TTN: variants seen among roughly 807,000 people sequenced by gnomAD.
TTN encodes the protein connectin.
A neutral mutation model predicts 3,223.0 loss-of-function variants in TTN; 1,525 were observed. The observed-to-expected ratio is 0.47, with a 90% CI of 0.45 to 0.49. The LOEUF is 0.49. Among genes scored for constraint, TTN ranks in the 20% least tolerant of loss-of-function variants. TTN has a pLI of 0.00. For synonymous variants in TTN, 14,094 were observed against 15,161.0 expected (o/e 0.93, Z 5.17); for missense variants, 40,786 against 43,424.0 (o/e 0.94, Z 5.40).
At position 178,786,114 on chromosome 2, in the gene TTN, C is replaced by T. The variant is rs1316131204; in HGVS notation, c.2104G>A (p.Val702Ile). The change falls in exon 14 of 363, where the codon GTA becomes ATA. Residue 702 changes from valine (V) to isoleucine (I), a missense_variant. Val to Ile is a conservative substitution (Grantham distance 29, BLOSUM62 3). Coordinates refer to ENST00000589042, the MANE Select transcript of TTN (RefSeq NM_001267550.2). ...KVDVGKKAEAVATVVAAVDQA... is the reference protein window; with the variant it reads ...KVDVGKKAEAIATVVAAVDQA... The stretch of plus-strand genomic sequence containing the variant: ...TCTACTGCAGCAACAACTGTTGCTA[C>T]AGCTTCAGCCTTTTTTCCAACGTCC... 6.2e-7 allele frequency: 1 copy of T among 1,613,818 alleles called. No homozygotes were observed. Among genetic ancestry groups the T allele is most frequent in the Non-Finnish European group, 8.5e-7 (1 of 1,179,986 alleles).
In TTN at chr2:178,784,216, G is replaced by T. The variant is rs751640052; in HGVS notation, c.2629C>A (p.Pro877Thr). The T allele has an allele frequency of 3.7e-6, 6 of 1,614,058 alleles. No individual in the cohort carries two copies. Among genetic ancestry groups the T allele is most frequent in the Admixed American group, 1.7e-5 (1 of 60,010 alleles). Reference sequence around the variant, plus strand: ...TCAGCGAAGGGGAACTGTGGCAAGGGTGTGGGCTCTGCCCTTACTCTAGTC... The same window carrying T: ...TCAGCGAAGGGGAACTGTGGCAAGGTTGTGGGCTCTGCCCTTACTCTAGTC... ...SETRVRAEPT[P>T]LPQFPFADTP... The change falls in exon 16 of 363, where the codon CCC (proline) becomes ACC (threonine). Residue 877 changes from proline (P) to threonine (T), a missense_variant. By Grantham distance (38) the Pro-to-Thr change is conservative (BLOSUM62 -1). Transcript: ENST00000589042.
chr2:178,640,144 C>A, intron 221 of TTN, 34 bp from the exon 222 acceptor site: 1 of 1,597,008 alleles, frequency 6.3e-7, no homozygotes, highest in Non-Finnish European at 8.5e-7. Flanking sequence ...CAGATTATTA[C>A]AGGATTTTTG....
chr2:178,570,431 C>G lies in TTN; in HGVS notation c.75701G>C (p.Gly25234Ala). Residue 25234 changes from glycine (G) to alanine (A), a missense_variant, in exon 326 of 363, where the codon GGG becomes GCG. Physicochemically the swap from Gly to Ala is moderately conservative, Grantham distance 60. Transcript: ENST00000589042. ...LAWKPPLQDG[G>A]SDIINYIVER... ...CACAATATAATTTATGATGTCACTC[C>G]CACCATCCTGAAGTGGGGGTTTCCA... The G allele has an allele frequency of 6.2e-7, 1 of 1,613,124 alleles. No individual in the cohort carries two copies. The highest frequency in any genetic ancestry group is 8.5e-7 in the Non-Finnish European group (1 of 1,179,544).
chr2:178,706,261 C>T (rs1410979214), intron 102 of TTN, among the ~76,000 whole-genome samples, 193 bp downstream of exon 102: 1 of 152,180 alleles, frequency 6.6e-6, no homozygotes, highest in Non-Finnish European at 1.5e-5. Flanking sequence ...CTCCCATATG[C>T]TTCATCTCTA....
In TTN at chr2:178,718,492, A is replaced by T. The variant is rs780500830; in HGVS notation, c.24614T>A (p.Ile8205Lys). The T allele has an allele frequency of 6.2e-7, 1 of 1,613,696 alleles. No homozygotes were observed. The highest frequency in any genetic ancestry group is 8.5e-7 in the Non-Finnish European group (1 of 1,179,732). The change falls in exon 85 of 363, where the codon ATA becomes AAA. Residue 8205 changes from isoleucine to lysine, a missense_variant. Transcript: ENST00000589042. The stretch of plus-strand genomic sequence containing the variant: ...TTGTGAAATAAGATACTCGTCCTTT[A>T]TCCAGCTCACTGAGATTGGAGGTGT... ...TGTPPISVSWIKDEYLISQSE... is the reference protein window; with the variant it reads ...TGTPPISVSWKKDEYLISQSE...
Position 178,731,026 on chromosome 2 carries a change from A to C in TTN, c.17639T>G (p.Leu5880Arg). The change falls in exon 60 of 363, where the codon CTG becomes CGG. Residue 5880 changes from leucine to arginine, a missense_variant. Coordinates refer to ENST00000589042, the MANE Select transcript of TTN (RefSeq NM_001267550.2). ...TTTCTTTTCTGTAGAAATAATCTTCAGTATTGAGACTGTATCAGTGACACT... is the reference window on the plus strand; with the variant it reads ...TTTCTTTTCTGTAGAAATAATCTTCCGTATTGAGACTGTATCAGTGACACT... Reference protein sequence around the residue: ...KISVTDTVSILKIISTEKKDS... With the variant: ...KISVTDTVSIRKIISTEKKDS... 5 of 1,613,588 alleles carry C rather than the reference A, an allele frequency of 3.1e-6. No homozygotes were observed. Among genetic ancestry groups the C allele is most frequent in the Non-Finnish European group, 3.4e-6 (4 of 1,179,664 alleles).
chr2:178,729,219 A>G, intron 64 of TTN, 50 bp from the exon 65 acceptor site: 1 of 1,549,766 alleles, frequency 6.5e-7, no homozygotes, highest in Non-Finnish European at 8.7e-7. Context: ...TGTAACTCCT[A>G]CCCATAATGA....
In TTN at chr2:178,537,903, C is replaced by T. The variant is rs548615687; in HGVS notation, c.99304G>A (p.Gly33102Arg). The change falls in exon 355 of 363, where the codon GGA (glycine) becomes AGA (arginine). Residue 33102 changes from glycine to arginine, a missense_variant. Gly to Arg is a moderately radical substitution (Grantham distance 125). Transcript: ENST00000589042. ...KTKLTSGEAPGIRKEMKDVTT... is the reference protein window; with the variant it reads ...KTKLTSGEAPRIRKEMKDVTT... ...ACATCCTTCATTTCTTTGCGTATTC[C>T]TGGGGCCTCTCCAGCTGAACAATAT... 4 of 1,609,346 alleles carry T rather than the reference C, an allele frequency of 2.5e-6. No homozygotes were observed. Among genetic ancestry groups the T allele is most frequent in the African/African-American group, 1.3e-5 (1 of 74,768 alleles).
chr2:178,648,692 G>T lies in TTN; in HGVS notation c.40057+556C>A, dbSNP rs181740561. ...CCCCAAGTGTTGGGATGACAGGCGT[G>T]AGCCACCACATCCGGCCTTATTTCC... On this transcript the variant is annotated intron_variant, in intron 213 of 362. Coordinates refer to ENST00000589042, the MANE Select transcript of TTN (RefSeq NM_001267550.2). Among the ~76,000 whole-genome samples the T allele has an allele frequency of 2.0e-5, 3 of 152,240 alleles. No homozygotes were observed. The East Asian group carries it at 5.8e-4, about 29-fold the overall frequency.
rs764537619 is a variant in TTN at position 178,723,998 on chromosome 2, T to C, written c.21261A>G (p.Gly7087=). The C allele has an allele frequency of 6.2e-7, 1 of 1,613,582 alleles. No individual in the cohort carries two copies. The highest frequency in any genetic ancestry group is 8.5e-7 in the Non-Finnish European group (1 of 1,179,632). ...WFHEKTKIVS[G]AKYQTTFSDN... is the part of the protein sequence containing the mutation. ...CTGAAAATGTGGTTTGGTACTTTGC[T>C]CCACTGACAATCTTGGTTTTCTCAT... The change falls in exon 73 of 363, where the codon GGA becomes GGG. Residue 7087 remains glycine (G), a synonymous_variant. Coordinates refer to ENST00000589042, the MANE Select transcript of TTN (RefSeq NM_001267550.2).
At chr2:178,781,838 T>C (rs2092788105) in intron 20 of TTN, among the ~76,000 whole-genome samples, 1 of 152,150 alleles carries the variant, frequency 6.6e-6, no homozygotes, top group Non-Finnish European at 1.5e-5. Context: ...ACATGGCTAT[T>C]CTTCTATCTT....
rs907499799 is a variant in TTN at position 178,538,770 on chromosome 2, T to C, written c.99059A>G (p.Glu33020Gly). Residue 33020 changes from glutamate to glycine, a missense_variant, in exon 354 of 363, where the codon GAG (glutamate) becomes GGG (glycine). Glu to Gly is a moderately conservative substitution (Grantham distance 98). Coordinates refer to ENST00000589042, the MANE Select transcript of TTN (RefSeq NM_001267550.2). ...TTTACCACCATCACATTCAGGTTTC[T>C]CCCACTGTAGAGTGACACTATCTTT... Reference protein sequence around the residue: ...ISKDSVTLQWEKPECDGGKEI... With the variant: ...ISKDSVTLQWGKPECDGGKEI... The C allele has an allele frequency of 3.7e-6, 6 of 1,613,756 alleles. No homozygotes were observed. The African/African-American group carries it at 6.7e-5, about 18-fold the overall frequency.
At chr2:178,778,215 T>C in intron 24 of TTN, 1 of 528,944 alleles carries the variant, frequency 1.9e-6, no homozygotes, top group Admixed American at 3.2e-5. Context: ...GTACCCAGGC[T>C]CAAAAATCTT....
At chr2:178,747,031 T>G (rs369468586) in intron 47 of TTN, 2 of 1,613,244 alleles carry the variant, frequency 1.2e-6, no homozygotes, top group African/African-American at 2.7e-5. Flanking sequence ...TGGGGTTTGG[T>G]CCTCCAGTAG....
chr2:178,528,824 C>T lies in TTN; in HGVS notation c.106927G>A (p.Val35643Ile), dbSNP rs754459138. Residue 35643 changes from valine (V) to isoleucine (I), a missense_variant, in exon 360 of 363, where the codon GTA (valine) becomes ATA (isoleucine). Coordinates refer to ENST00000589042, the MANE Select transcript of TTN (RefSeq NM_001267550.2). The part of the protein sequence containing the change: ...ATDVKWVLNG[V>I]ELTNSEEYRY... The stretch of plus-strand genomic sequence containing the variant: ...TACTCCTCAGAGTTGGTAAGCTCTA[C>T]GCCATTCAGTACCCATTTCACATCA... 159 of 1,613,768 alleles carry T rather than the reference C, an allele frequency of 9.9e-5. No individual in the cohort carries two copies. Among genetic ancestry groups the T allele is most frequent in the East Asian group, 2.0e-4 (9 of 44,882 alleles).
At position 178,706,969 on chromosome 2, in the gene TTN, A is replaced by G; in HGVS notation, c.29042-15T>C. The G allele has an allele frequency of 6.3e-7, 1 of 1,592,348 alleles. No individual in the cohort carries two copies. The highest frequency in any genetic ancestry group is 8.6e-7 in the Non-Finnish European group (1 of 1,168,682). Reference sequence around the variant, plus strand: ...AGCTGGTTTGTCTGAAAAAACATTTACATGTTTTGTTACTACAATCACCTC... The same window carrying G: ...AGCTGGTTTGTCTGAAAAAACATTTGCATGTTTTGTTACTACAATCACCTC... On this transcript the variant is annotated splice_polypyrimidine_tract_variant and intron_variant, in intron 100 of 362. Transcript: ENST00000589042.
Position 178,578,626 on chromosome 2 carries a change from C to G in TTN, c.68314G>C (p.Gly22772Arg), listed in dbSNP as rs1559480997. 7 of 1,610,844 alleles carry G rather than the reference C, an allele frequency of 4.3e-6. No homozygotes were observed. Among genetic ancestry groups the G allele is most frequent in the Non-Finnish European group, 5.9e-6 (7 of 1,178,392 alleles). ...AACAAAATACCTGTAATTGGAGAACCACCAGTTTTCTTGGGGTCAGTCCAA... is the reference window on the plus strand; with the variant it reads ...AACAAAATACCTGTAATTGGAGAACGACCAGTTTTCTTGGGGTCAGTCCAA... ...LTWTDPKKTGGSPITGYHLEF... is the reference protein window; with the variant it reads ...LTWTDPKKTGRSPITGYHLEF... Residue 22772 changes from glycine (G) to arginine (R), a missense_variant, in exon 321 of 363, where the codon GGT becomes CGT. Physicochemically the swap from Gly to Arg is moderately radical, Grantham distance 125. Coordinates refer to ENST00000589042, the MANE Select transcript of TTN (RefSeq NM_001267550.2).
intron 270 of TTN, 120 bp downstream of exon 270, chr2:178,610,873 T>G: frequency 2.4e-6 from 3 of 1,225,376 alleles, no homozygotes; most frequent in Non-Finnish European, 2.3e-6. Flanking sequence ...TAATCAGAAG[T>G]GACATTTAGT....
chr2:178,623,241 G>A (rs1181622573), intron 242 of TTN, among the ~76,000 whole-genome samples: 2 of 151,854 alleles, frequency 1.3e-5, no homozygotes, highest in East Asian at 3.9e-4. Flanking sequence ...TGGCTAAGAG[G>A]CATGAGGCTG....
Sources: gnomAD v4.1 joint callset for allele counts (sites outside exome capture counted in the v4.1 genomes callset) on GRCh38, gnomAD v4.1.1 for gene constraint, MANE v1.5 for transcripts, NCBI Gene and HGNC (gene_info 2026-07-23, HGNC 2026-07-21) for gene names.